Variants in TTC7B observed in about 807,000 individuals in gnomAD.
TTC7B encodes the protein tetratricopeptide repeat protein 7B.
Under a neutral mutation model 106.8 loss-of-function variants are expected in TTC7B, and 28 were observed. That is an observed-to-expected ratio of 0.26 (90% confidence interval 0.19 to 0.36). The LOEUF is 0.36. Ranked by LOEUF, TTC7B falls within the 10% of genes least tolerant of loss-of-function variation. The pLI is 1.00. For missense variants in TTC7B, 862 were observed against 1,076.4 expected (o/e 0.80, Z 2.79); for synonymous variants, 405 against 430.6 (o/e 0.94, Z 0.74).
At chr14:90,652,767 A>G in intron 13 of TTC7B, 74 bp downstream of exon 13, 1 of 1,530,354 alleles carries the variant, frequency 6.5e-7, no homozygotes, top group Admixed American at 1.7e-5. Context: ...CTTTATAAAT[A>G]TCTCTTCTTT....
chr14:90,617,358 A>C (rs1399389297), intron 16 of TTC7B, among the ~76,000 whole-genome samples: 1 of 152,226 alleles, frequency 6.6e-6, no homozygotes, highest in African/African-American at 2.4e-5. Flanking sequence ...TCTGTTCTTC[A>C]AACTCTTCTG....
At chr14:90,653,007 C>A in intron 12 of TTC7B, 109 bp from the exon 13 acceptor site, 1 of 1,173,554 alleles carries the variant, frequency 8.5e-7, no homozygotes, top group Non-Finnish European at 1.3e-6. Flanking sequence ...GCAACAATGT[C>A]TGAGTGCCTA....
Position 90,738,940 on chromosome 14 carries a change from G to A in TTC7B, c.576+5852C>T, listed in dbSNP as rs372157308. ...CTTGGGAGGCTGAGGTAAGAGGATC[G>A]CTTCGGCCTGCGAGGTTAAAGCTGC... On this transcript the variant is annotated intron_variant, in intron 4 of 19. Transcript: ENST00000328459. 9.9e-5 allele frequency among the ~76,000 whole-genome samples: 15 copies of A among 152,242 alleles called. No homozygotes were observed. In the South Asian group the frequency reaches 2.1e-3, roughly 21 times the overall value.
intron 19 of TTC7B, among the ~76,000 whole-genome samples, chr14:90,549,374 C>T (rs80272502): frequency 0.036 from 5,415 of 152,290 alleles, 297 homozygotes; most frequent in African/African-American, 0.12. Flanking sequence ...CAAAGTCATA[C>T]AGCCTCCTCG....
intron 3 of TTC7B, among the ~76,000 whole-genome samples, chr14:90,749,713 T>C (rs555956492): frequency 2.8e-4 from 42 of 152,308 alleles, no homozygotes; most frequent in African/African-American, 9.4e-4. Flanking sequence ...CCAATAATAA[T>C]AATTTTTCTT....
At chr14:90,793,077 C>A (rs978518590) in intron 1 of TTC7B, among the ~76,000 whole-genome samples, 1 of 152,072 alleles carries the variant, frequency 6.6e-6, no homozygotes, top group Non-Finnish European at 1.5e-5. Context: ...TCTCACGAGA[C>A]CTGATGGTTT....
rs537742922 is a variant in TTC7B at position 90,775,650 on chromosome 14, GA to G, written c.445+5087del. Among the ~76,000 whole-genome samples the G allele has an allele frequency of 2.5e-3, 377 of 152,228 alleles. 3 individuals carry two copies. The highest frequency in any genetic ancestry group is 4.2e-3 in the Non-Finnish European group (289 of 68,014). On this transcript the variant is annotated intron_variant, in intron 3 of 19. Coordinates refer to ENST00000328459, the MANE Select transcript of TTC7B (RefSeq NM_001010854.2). ...GGCACAGAGGTTACTCAGCTTGACGGAAAAATTTCCTGCCAAGAAACATCCC... is the reference window on the plus strand; with the variant it reads ...GGCACAGAGGTTACTCAGCTTGACGGAAAATTTCCTGCCAAGAAACATCCC...
chr14:90,756,277 G>A (rs889536019), intron 3 of TTC7B, among the ~76,000 whole-genome samples: 4 of 152,082 alleles, frequency 2.6e-5, no homozygotes, highest in African/African-American at 9.7e-5. Context: ...CTAGGGGTGG[G>A]CTTCACAGAA....
In TTC7B at chr14:90,570,681, C is replaced by T. The variant is rs1350239253; in HGVS notation, c.2310+7425G>A. On this transcript the variant is annotated intron_variant, in intron 19 of 19. Coordinates refer to ENST00000328459, the MANE Select transcript of TTC7B (RefSeq NM_001010854.2). The surrounding 1 kb of genome is among the most constrained non-coding windows in gnomAD (Gnocchi z 4.0). ...GAAGCTCCATGGGGCCAGGAGATGA[C>T]TCACTCACTGTCAAACAGACGCAAA... Among the ~76,000 whole-genome samples the T allele has an allele frequency of 6.6e-6, 1 of 152,150 alleles. No individual in the cohort carries two copies. The highest frequency in any genetic ancestry group is 1.5e-5 in the Non-Finnish European group (1 of 68,024).
chr14:90,592,212 A>C (rs567548121), intron 18 of TTC7B, among the ~76,000 whole-genome samples: 1 of 152,322 alleles, frequency 6.6e-6, no homozygotes, highest in East Asian at 1.9e-4. Flanking sequence ...CAATTGGTGG[A>C]TAATAAGCAC....
intron 15 of TTC7B, 28 bp from the exon 16 acceptor site, chr14:90,618,073 C>T: frequency 2.6e-6 from 4 of 1,543,482 alleles, no homozygotes; most frequent in Non-Finnish European, 2.7e-6. Flanking sequence ...AGGGAGAAAA[C>T]ACCACGGCTC....
At chr14:90,756,372 C>CTTTTTTTTTTTTTTTT in intron 3 of TTC7B, among the ~76,000 whole-genome samples, 1 of 139,760 alleles carries the variant, frequency 7.2e-6, no homozygotes, top group Non-Finnish European at 1.6e-5. Context: ...TTATTTTCTT[C>CTTTTTTTTTTTTTTTT]TTTTTTTTTT....
chr14:90,628,809 G>T (rs1450259700), intron 15 of TTC7B, among the ~76,000 whole-genome samples: 14 of 152,248 alleles, frequency 9.2e-5, no homozygotes, highest in Admixed American at 9.2e-4. Context: ...TTCATTTCCT[G>T]TGTGTTTCCA....
In TTC7B at chr14:90,600,921, G is replaced by A. The variant is rs1270187627; in HGVS notation, c.1967-7295C>T. Among the ~76,000 whole-genome samples the A allele has an allele frequency of 6.6e-6, 1 of 152,154 alleles. No homozygotes were observed. The highest frequency in any genetic ancestry group is 6.5e-5 in the Admixed American group (1 of 15,276). On this transcript the variant is annotated intron_variant, in intron 17 of 19. Transcript: ENST00000328459. This position sits in a 1 kb window ranked among gnomAD's most constrained non-coding sequence, Gnocchi z 4.3. ...ATTCATGAGGCTGTGTCTTGGGGTG[G>A]AAGTGCCTTCTGCCTGGGGAAGGCT...
At chr14:90,722,419 G>C (rs146875167) in intron 5 of TTC7B, among the ~76,000 whole-genome samples, 8 of 152,266 alleles carry the variant, frequency 5.3e-5, no homozygotes, top group African/African-American at 1.4e-4. Flanking sequence ...GAACTACCCT[G>C]TTCTTGACCC....
chr14:90,547,593 C>T lies in TTC7B; in HGVS notation c.2311-6004G>A, dbSNP rs764477698. The stretch of plus-strand genomic sequence containing the variant: ...GATGGATCGCTTGAGCCTGGGAGTT[C>T]GAGACCGACCTGGGCAACATGGTGA... On this transcript the variant is annotated intron_variant, in intron 19 of 19. Transcript: ENST00000328459. Among the ~76,000 whole-genome samples the T allele has an allele frequency of 1.3e-4, 20 of 152,210 alleles. 1 individual carries two copies. Among genetic ancestry groups the T allele is most frequent in the African/African-American group, 2.6e-4 (11 of 41,534 alleles).
Position 90,531,244 on chromosome 14 carries a change from G to T in TTC7B, c.*10124C>A, listed in dbSNP as rs1358459903. 2 of 152,042 alleles carry T rather than the reference G, an allele frequency of 1.3e-5. No homozygotes were observed. Among genetic ancestry groups the T allele is most frequent in the Non-Finnish European group, 2.9e-5 (2 of 68,024 alleles). The allele number at this position is 152,042 out of a possible 1,614,324, so 9.4% of individuals were successfully genotyped here. A position where few individuals can be genotyped will look rare whatever the true frequency, so the allele number is the denominator to read the frequency against. On this transcript the variant is annotated 3_prime_UTR_variant, in exon 20 of 20. Coordinates refer to ENST00000328459, the MANE Select transcript of TTC7B (RefSeq NM_001010854.2). ...TAGGTTTTACGATCACAAAAGAAAA[G>T]AAAAAGCTGCTTGCTTAAACAAACA...
intron 19 of TTC7B, among the ~76,000 whole-genome samples, chr14:90,555,705 C>T (rs897366047): frequency 3.3e-5 from 5 of 152,212 alleles, no homozygotes; most frequent in African/African-American, 1.2e-4. Context: ...GGAGAAATGG[C>T]TGTGAGAACA....
intron 1 of TTC7B, among the ~76,000 whole-genome samples, chr14:90,804,612 A>G (rs143829998): frequency 0.016 from 2,372 of 152,336 alleles, 17 homozygotes; most frequent in African/African-American, 0.027. Flanking sequence ...GCTGCAAGCC[A>G]GCTGCAAAGG....
Sources: allele counts gnomAD v4.1 joint callset (sites outside exome capture counted in the v4.1 genomes callset), GRCh38; gene constraint gnomAD v4.1.1; non-coding constraint Gnocchi (gnomAD v3.1); transcripts MANE v1.5; gene names NCBI Gene and HGNC (gene_info 2026-07-23, HGNC 2026-07-21).